The following GSK3B variants were observed in gnomAD, a reference collection of about 807,000 sequenced individuals.
GSK3B encodes glycogen synthase kinase 3 beta.
A neutral mutation model predicts 56.4 loss-of-function variants in GSK3B; 15 were observed. The ratio of observed to expected loss-of-function variants is 0.27; its 90% CI spans 0.18 to 0.41. GSK3B has a LOEUF of 0.41. GSK3B is among the 10% of genes least tolerant of loss of function. The pLI is 1.00. For synonymous variants in GSK3B, 181 were observed against 188.9 expected (o/e 0.96, Z 0.34); for missense variants, 300 against 513.4 (o/e 0.58, Z 4.02).
rs115098250 is a variant in GSK3B at position 119,981,524 on chromosome 3, C to T, written c.282+20522G>A. Among the ~76,000 whole-genome samples the T allele has an allele frequency of 7.7e-3, 1,179 of 152,342 alleles. 7 individuals are homozygous for T. The highest frequency in any genetic ancestry group is 0.014 in the Middle Eastern group (4 of 292). On this transcript the variant is annotated intron_variant, in intron 2 of 10. Transcript: ENST00000264235. ...GCACTTTTCCCAAGGTCTTAGCACC[C>T]GCTGACAAGATGATTCTCTCCCGTG...
intron 1 of GSK3B, among the ~76,000 whole-genome samples, chr3:120,027,989 C>T (rs1427590081): frequency 6.6e-6 from 1 of 152,118 alleles, no homozygotes; most frequent in East Asian, 1.9e-4. Flanking sequence ...ACACTTCAAA[C>T]TAAAAAATCA....
chr3:119,844,515 A>T (rs1047489077), intron 9 of GSK3B, among the ~76,000 whole-genome samples: 2 of 152,252 alleles, frequency 1.3e-5, no homozygotes, highest in Admixed American at 6.5e-5. Context: ...CTGATCCCAC[A>T]GAAATACAAA....
chr3:120,009,735 T>C (rs909694333), intron 1 of GSK3B, among the ~76,000 whole-genome samples: 1 of 152,084 alleles, frequency 6.6e-6, no homozygotes, highest in Non-Finnish European at 1.5e-5. Flanking sequence ...AAATACCTAA[T>C]GTAGATGACG....
At position 120,044,968 on chromosome 3, in the gene GSK3B, T is replaced by C. The variant is rs1373553422; in HGVS notation, c.89-42729A>G. On this transcript the variant is annotated intron_variant, in intron 1 of 10. Coordinates refer to ENST00000264235, the MANE Select transcript of GSK3B (RefSeq NM_001146156.2). ...CTCTTTTTCAAGATGGCTAAAAAGG[T>C]GGTTCAATAAATGAAAAGAAATCGT... is the stretch of plus-strand genomic sequence containing the variant. Among the ~76,000 whole-genome samples the C allele has an allele frequency of 2.0e-5, 3 of 152,206 alleles. No homozygotes were observed. In the East Asian group the frequency reaches 5.8e-4, roughly 29 times the overall value.
At chr3:120,076,813 C>CA (rs202058386) in intron 1 of GSK3B, among the ~76,000 whole-genome samples, 1,886 of 45,474 alleles carry the variant, frequency 0.041, 223 homozygotes, top group African/African-American at 0.091. Flanking sequence ...AACTCCGTCT[C>CA]AAAAAAAAAA....
Position 119,824,544 on chromosome 3 carries a change from C to T in GSK3B, c.*2244G>A. 1 of 213,588 alleles carries T rather than the reference C, an allele frequency of 4.7e-6. No individual in the cohort carries two copies. Among genetic ancestry groups the T allele is most frequent in the Non-Finnish European group, 9.5e-6 (1 of 105,554 alleles). The allele number at this position is 213,588 out of a possible 1,614,324, so 13.2% of individuals were successfully genotyped here. A position where few individuals can be genotyped will look rare whatever the true frequency, so the allele number is the denominator to read the frequency against. On this transcript the variant is annotated 3_prime_UTR_variant, in exon 11 of 11. Transcript: ENST00000264235. ...GTTGGATCTGAATGCAGGTCCATTT[C>T]TCTATCACAGACCTGCCTTTTCAGA...
At chr3:120,010,810 G>A (rs1401175104) in intron 1 of GSK3B, among the ~76,000 whole-genome samples, 2 of 152,180 alleles carry the variant, frequency 1.3e-5, no homozygotes, top group African/African-American at 4.8e-5. Flanking sequence ...GTTCACACCT[G>A]TAATCCCAGC....
At chr3:119,888,581 G>A (rs992537113) in intron 7 of GSK3B, among the ~76,000 whole-genome samples, 38 of 152,072 alleles carry the variant, frequency 2.5e-4, no homozygotes, top group Non-Finnish European at 7.4e-5. Flanking sequence ...TGTAAAGCAC[G>A]TGTGTTTGAA....
intron 2 of GSK3B, among the ~76,000 whole-genome samples, chr3:119,968,267 C>CA (rs2057337363): frequency 6.6e-6 from 1 of 152,172 alleles, no homozygotes. Context: ...GCTGGGATTA[C>CA]AAGTGTGAGC....
chr3:120,078,015 G>C (rs2058381634), intron 1 of GSK3B, among the ~76,000 whole-genome samples: 1 of 152,114 alleles, frequency 6.6e-6, no homozygotes, highest in African/African-American at 2.4e-5. Flanking sequence ...AATGGAATGA[G>C]AGTGCTTGGC....
chr3:119,941,607 A>G (rs1472404690), intron 3 of GSK3B, among the ~76,000 whole-genome samples: 1 of 152,222 alleles, frequency 6.6e-6, no homozygotes, highest in Admixed American at 6.5e-5. Context: ...AGTGAGTTAT[A>G]AAATATGTAA....
chr3:119,876,575 G>T, intron 7 of GSK3B, 67 bp from the exon 8 acceptor site: 1 of 856,994 alleles, frequency 1.2e-6, no homozygotes, highest in South Asian at 1.4e-5. Flanking sequence ...CATGTTTTCA[G>T]GCATTGGATT....
chr3:120,037,251 C>T (rs1196673322), intron 1 of GSK3B, among the ~76,000 whole-genome samples: 2 of 152,132 alleles, frequency 1.3e-5, no homozygotes, highest in South Asian at 2.1e-4. Flanking sequence ...ATATGCATTT[C>T]GCTATTATAT....
At chr3:120,072,113 C>T (rs780773139) in intron 1 of GSK3B, among the ~76,000 whole-genome samples, 19 of 152,154 alleles carry the variant, frequency 1.2e-4, no homozygotes, top group Non-Finnish European at 2.4e-4. Context: ...GGATGAGAGT[C>T]AATTATACTA....
chr3:119,885,595 A>G (rs540844322), intron 7 of GSK3B, among the ~76,000 whole-genome samples: 4 of 152,142 alleles, frequency 2.6e-5, no homozygotes, highest in African/African-American at 7.2e-5. Context: ...ATATAGCCAA[A>G]GCAATCCTAA....
Position 119,915,535 on chromosome 3 carries a change from A to C in GSK3B, c.608+509T>G, listed in dbSNP as rs1036962434. Among the ~76,000 whole-genome samples, 4 of 152,098 alleles carry C rather than the reference A, an allele frequency of 2.6e-5. No individual in the cohort carries two copies. The East Asian group carries it at 7.7e-4, about 29-fold the overall frequency. ...ATAAGCCACACATGTACTTGTGTAT[A>C]TATGTGTGTGTGTACATATATATAT... On this transcript the variant is annotated intron_variant, in intron 5 of 10. Transcript: ENST00000264235.
At chr3:119,956,091 T>C (rs1357183490) in intron 2 of GSK3B, among the ~76,000 whole-genome samples, 3 of 152,188 alleles carry the variant, frequency 2.0e-5, no homozygotes, top group African/African-American at 7.2e-5. Flanking sequence ...GGGTCTACAA[T>C]AGTAGTGATC....
intron 10 of GSK3B, among the ~76,000 whole-genome samples, chr3:119,827,177 A>G (rs1213856246): frequency 1.3e-5 from 2 of 152,198 alleles, no homozygotes; most frequent in Admixed American, 1.3e-4. Context: ...AGTCTAGTTC[A>G]CTTGAAAATA....
rs995029846 is a variant in GSK3B at position 120,079,113 on chromosome 3, T to C, written c.88+14234A>G. On this transcript the variant is annotated intron_variant, in intron 1 of 10. Coordinates refer to ENST00000264235, the MANE Select transcript of GSK3B (RefSeq NM_001146156.2). ...TGCACCACCATGCCCAGCTAATTTTTGTATTTTTGGTAGAGACAGGGTTTC... is the reference window on the plus strand; with the variant it reads ...TGCACCACCATGCCCAGCTAATTTTCGTATTTTTGGTAGAGACAGGGTTTC... 2.0e-5 allele frequency among the ~76,000 whole-genome samples: 3 copies of C among 151,380 alleles called. No individual in the cohort carries two copies. The East Asian group carries it at 5.9e-4, about 30-fold the overall frequency.
Sources: allele counts gnomAD v4.1 joint callset (sites outside exome capture counted in the v4.1 genomes callset), GRCh38; gene constraint gnomAD v4.1.1; transcripts MANE v1.5; gene names NCBI Gene and HGNC (gene_info 2026-07-23, HGNC 2026-07-21).